Variants in MDGA1 observed in about 807,000 individuals in gnomAD.
MDGA1 encodes the protein MAM domain containing glycosylphosphatidylinositol anchor 1.
In MDGA1, 54 loss-of-function variants were observed where a neutral mutation model predicts 101.5. That is an observed-to-expected ratio of 0.53 (90% CI 0.43 to 0.67). MDGA1 has a LOEUF of 0.67. MDGA1 is among the 30% of genes least tolerant of loss of function. The probability of loss-of-function intolerance (pLI) is 0.00; values close to 1 mark genes in which losing one functional copy is unlikely to be tolerated. For missense variants in MDGA1, 1,083 were observed against 1,323.8 expected (o/e 0.82, Z 2.82); for synonymous variants, 533 against 558.3 (o/e 0.95, Z 0.64).
Position 37,649,371 on chromosome 6 carries a change from G to A in MDGA1, c.1610-105C>T, listed in dbSNP as rs1761303466. The A allele has an allele frequency of 2.9e-6, 4 of 1,386,608 alleles. No individual in the cohort carries two copies. In the Middle Eastern group the frequency reaches 8.0e-4, roughly 278 times the overall value. 85.9% of individuals were successfully genotyped at this position (1,386,608 alleles called of 1,614,324 possible). A position where few individuals can be genotyped will look rare whatever the true frequency, so the allele number is the denominator to read the frequency against. ...CTCGCCTCTAATGCCGTGAGCCCCC[G>A]CCAGGAAAAATCCCAGGGCGGATGC... On this transcript the variant is annotated intron_variant, in intron 8 of 16. Coordinates refer to ENST00000434837, the MANE Select transcript of MDGA1 (RefSeq NM_153487.4).
At chr6:37,658,842 G>A (rs1205651834) in intron 2 of MDGA1, among the ~76,000 whole-genome samples, 3 of 151,934 alleles carry the variant, frequency 2.0e-5, no homozygotes, top group African/African-American at 7.3e-5. Flanking sequence ...GTTATGGCGC[G>A]CACCTGTGGT....
chr6:37,635,083 T>G lies in MDGA1; in HGVS notation c.*2285A>C, dbSNP rs1212986817. On this transcript the variant is annotated 3_prime_UTR_variant, in exon 17 of 17. Coordinates refer to ENST00000434837, the MANE Select transcript of MDGA1 (RefSeq NM_153487.4). ...ACCCAGGTGGTGCCAGGCCAGTGGT[T>G]CCTGCTGTCAGGAGAACCCAAGGAG... 6.0e-6 allele frequency: 1 copy of G among 166,642 alleles called. No individual in the cohort carries two copies. Among genetic ancestry groups the G allele is most frequent in the East Asian group, 1.7e-4 (1 of 5,972 alleles). The allele number at this position is 166,642 out of a possible 1,614,324, so 10.3% of individuals were successfully genotyped here. A position where few individuals can be genotyped will look rare whatever the true frequency, so the allele number is the denominator to read the frequency against.
rs1762054365 is a variant in MDGA1, at chr6:37,679,737, C to T, written c.68-15631G>A. Among the ~76,000 whole-genome samples the T allele has an allele frequency of 2.0e-5, 3 of 152,186 alleles. No homozygotes were observed. In the South Asian group the frequency reaches 6.2e-4, roughly 32 times the overall value. On this transcript the variant is annotated intron_variant, in intron 1 of 16. Transcript: ENST00000434837. ...GTGGTGGTCATTGCCTCCCACATGC[C>T]AGGCACATGGCTTCCCACACATTCC...
intron 14 of MDGA1, among the ~76,000 whole-genome samples, chr6:37,642,256 G>A (rs956526529): frequency 6.8e-6 from 1 of 146,150 alleles, no homozygotes; most frequent in Non-Finnish European, 1.5e-5. Context: ...CTCGGCTCAC[G>A]GCAACCTCCA....
intron 9 of MDGA1, 133 bp from the exon 10 acceptor site, chr6:37,647,457 A>T: frequency 5.4e-6 from 3 of 556,858 alleles, no homozygotes; most frequent in Non-Finnish European, 6.2e-6. Context: ...GAGAAAGGGA[A>T]TATTGTGAGG....
rs1391666321 is a variant in MDGA1, at chr6:37,634,864, A to AC, written c.*2503dup. 6.6e-6 allele frequency: 1 copy of AC among 151,970 alleles called. No homozygotes were observed. Among genetic ancestry groups the AC allele is most frequent in the Non-Finnish European group, 1.5e-5 (1 of 68,032 alleles). 9.4% of individuals were successfully genotyped at this position (151,970 alleles called of 1,614,324 possible). On this transcript the variant is annotated 3_prime_UTR_variant, in exon 17 of 17. Coordinates refer to ENST00000434837, the MANE Select transcript of MDGA1 (RefSeq NM_153487.4). This position sits in a 1 kb window ranked among gnomAD's most constrained non-coding sequence, Gnocchi z 4.7. ...CATGTACTGAGCACCTTTACTGTCC[A>AC]CTCTATGGATCCTGAGGGGAACAAG...
chr6:37,641,008 G>A (rs141427669), intron 14 of MDGA1, among the ~76,000 whole-genome samples: 11 of 152,198 alleles, frequency 7.2e-5, no homozygotes, highest in African/African-American at 9.6e-5. Context: ...TCCACATGCC[G>A]GGAAACTTCA....
Position 37,655,054 on chromosome 6 carries a change from C to G in MDGA1, c.580-122G>C. On this transcript the variant is annotated intron_variant, in intron 4 of 16. Transcript: ENST00000434837. The surrounding 1 kb of genome is among the most constrained non-coding windows in gnomAD (Gnocchi z 5.1). ...TGTCTAATTCCTCTCTTTCCATCCC[C>G]AACCCCACCCTCACCATTTAGCCCC... 1.6e-6 allele frequency: 2 copies of G among 1,224,656 alleles called. No individual in the cohort carries two copies. The highest frequency in any genetic ancestry group is 2.2e-6 in the Non-Finnish European group (2 of 888,962). 75.9% of individuals were successfully genotyped at this position (1,224,656 alleles called of 1,614,324 possible). A position where few individuals can be genotyped will look rare whatever the true frequency, so the allele number is the denominator to read the frequency against.
At chr6:37,684,888 G>A (rs1006051811) in intron 1 of MDGA1, among the ~76,000 whole-genome samples, 6 of 152,100 alleles carry the variant, frequency 3.9e-5, no homozygotes, top group Non-Finnish European at 7.4e-5. Flanking sequence ...GCATTTTACT[G>A]GAACACCGGA....
chr6:37,685,385 T>C (rs1762177093), intron 1 of MDGA1, among the ~76,000 whole-genome samples: 1 of 152,196 alleles, frequency 6.6e-6, no homozygotes, highest in Admixed American at 6.5e-5. Context: ...TGAATCTTTC[T>C]TTCTGATAAG....
Position 37,638,796 on chromosome 6 carries a change from T to G in MDGA1, c.2537-129A>C. The G allele has an allele frequency of 7.9e-7, 1 of 1,258,844 alleles. No homozygotes were observed. The highest frequency in any genetic ancestry group is 1.1e-6 in the Non-Finnish European group (1 of 914,780). 78.0% of individuals were successfully genotyped at this position (1,258,844 alleles called of 1,614,324 possible). ...CCCTGTTGACAGGACCTCCTCCCCATGCCCAGCTGGGTGCAATGTCCCATT... is the reference window on the plus strand; with the variant it reads ...CCCTGTTGACAGGACCTCCTCCCCAGGCCCAGCTGGGTGCAATGTCCCATT... On this transcript the variant is annotated intron_variant, in intron 14 of 16. Coordinates refer to ENST00000434837, the MANE Select transcript of MDGA1 (RefSeq NM_153487.4). The surrounding 1 kb of genome is among the most constrained non-coding windows in gnomAD (Gnocchi z 4.8).
chr6:37,652,222 C>A lies in MDGA1; in HGVS notation c.1101G>T (p.Val367=). The change falls in exon 7 of 17, where the codon GTG becomes GTT. Residue 367 remains valine, a synonymous_variant. Coordinates refer to ENST00000434837, the MANE Select transcript of MDGA1 (RefSeq NM_153487.4). The surrounding 1 kb of genome is among the most constrained non-coding windows in gnomAD (Gnocchi z 4.3). ...CHVDAVPQEK[V]TYQWFKNGKP... is the part of the protein sequence containing the mutation. ...TGCCATTCTTGAACCACTGGTAGGT[C>A]ACCTTCTCCTGGGGCACTGCATCCA... 1 of 1,614,044 alleles carries A rather than the reference C, an allele frequency of 6.2e-7. No individual in the cohort carries two copies. The highest frequency in any genetic ancestry group is 8.5e-7 in the Non-Finnish European group (1 of 1,179,910).
In MDGA1 at chr6:37,637,343, T is replaced by G. The variant is rs1763952031; in HGVS notation, c.*25A>C. ...CACTTTGGTGTGCCGGGGGCAAGGTTGGGGGGGTGGCCACACAGCTCTCAT... is the reference window on the plus strand; with the variant it reads ...CACTTTGGTGTGCCGGGGGCAAGGTGGGGGGGGTGGCCACACAGCTCTCAT... On this transcript the variant is annotated 3_prime_UTR_variant, in exon 17 of 17. Transcript: ENST00000434837. The G allele has an allele frequency of 1.3e-6, 2 of 1,551,346 alleles. No individual in the cohort carries two copies. Among genetic ancestry groups the G allele is most frequent in the Non-Finnish European group, 1.8e-6 (2 of 1,130,672 alleles).
intron 1 of MDGA1, among the ~76,000 whole-genome samples, chr6:37,695,591 G>A (rs1180679700): frequency 6.6e-6 from 1 of 152,170 alleles, no homozygotes; most frequent in Admixed American, 6.5e-5. Flanking sequence ...CAGGCAGATG[G>A]GTCAGCACCC....
At chr6:37,657,009 ATT>A (rs903752479) in intron 3 of MDGA1, among the ~76,000 whole-genome samples, 2 of 152,116 alleles carry the variant, frequency 1.3e-5, no homozygotes, top group Non-Finnish European at 2.9e-5. Context: ...GGGGGGAATT[ATT>A]GACTGGGAGG....
At chr6:37,661,972 T>C (rs1389941505) in intron 2 of MDGA1, among the ~76,000 whole-genome samples, 1 of 142,164 alleles carries the variant, frequency 7.0e-6, no homozygotes, top group African/African-American at 2.7e-5. Context: ...ATAGGCAACA[T>C]GGTGAAAACC....
intron 1 of MDGA1, among the ~76,000 whole-genome samples, chr6:37,690,046 C>T (rs1762276828): frequency 6.6e-6 from 1 of 152,220 alleles, no homozygotes; most frequent in South Asian, 2.1e-4. Flanking sequence ...ATGATTGGAC[C>T]TACTAACTCT....
Position 37,652,393 on chromosome 6 carries a change from TC to T in MDGA1, c.983-54del. 7.0e-7 allele frequency: 1 copy of T among 1,429,578 alleles called. No homozygotes were observed. Among genetic ancestry groups the T allele is most frequent in the Non-Finnish European group, 9.5e-7 (1 of 1,052,226 alleles). The allele number at this position is 1,429,578 out of a possible 1,614,324, so 88.6% of individuals were successfully genotyped here. ...GTTGGGGTTGGCCTGACTCCAGGGG[TC>T]CATGTCCCACCCCAACCCAGACCCA... On this transcript the variant is annotated intron_variant, in intron 6 of 16. Coordinates refer to ENST00000434837, the MANE Select transcript of MDGA1 (RefSeq NM_153487.4). The surrounding 1 kb of genome is among the most constrained non-coding windows in gnomAD (Gnocchi z 4.3).
intron 1 of MDGA1, among the ~76,000 whole-genome samples, chr6:37,693,948 C>A (rs1219245266): frequency 6.6e-6 from 1 of 152,142 alleles, no homozygotes; most frequent in South Asian, 2.1e-4. Context: ...AGGTGGTGGA[C>A]CTCAGTGGGA....
Sources: gnomAD v4.1 joint callset for allele counts (sites outside exome capture counted in the v4.1 genomes callset) on GRCh38, gnomAD v4.1.1 for gene constraint, Gnocchi (gnomAD v3.1) non-coding constraint, MANE v1.5 for transcripts, NCBI Gene and HGNC (gene_info 2026-07-23, HGNC 2026-07-21) for gene names.